Variants in BMPR2 observed in about 807,000 individuals in gnomAD.
BMPR2 encodes the protein bone morphogenetic protein receptor type-2.
Under a neutral mutation model 100.8 loss-of-function variants are expected in BMPR2, and 29 were observed. The observed-to-expected ratio is 0.29, with a 90% CI of 0.21 to 0.39. The LOEUF (loss-of-function observed/expected upper bound fraction) is 0.39. BMPR2 is among the 10% of genes least tolerant of loss of function. The probability of loss-of-function intolerance (pLI) is 1.00; values close to 1 mark genes in which losing one functional copy is unlikely to be tolerated. For synonymous variants in BMPR2, 382 were observed against 442.3 expected (o/e 0.86, Z 1.71); for missense variants, 1,011 against 1,274.5 (o/e 0.79, Z 3.15).
intron 1 of BMPR2, among the ~76,000 whole-genome samples, chr2:202,417,653 G>GT (rs911238304): frequency 8.6e-5 from 13 of 151,196 alleles, no homozygotes; most frequent in Admixed American, 2.6e-4. Flanking sequence ...TTTTTGTTTT[G>GT]TTTTTTTGAG....
chr2:202,555,871 G>A lies in BMPR2; in HGVS notation c.2206G>A (p.Asp736Asn), dbSNP rs762496841. 4.3e-6 allele frequency: 7 copies of A among 1,614,012 alleles called. No individual in the cohort carries two copies. The highest frequency in any genetic ancestry group is 5.9e-6 in the Non-Finnish European group (7 of 1,180,042). Residue 736 changes from aspartate (D) to asparagine (N), a missense_variant, in exon 12 of 13, where the codon GAT (aspartate) becomes AAT (asparagine). Asp to Asn is a conservative substitution (Grantham distance 23, BLOSUM62 1). Transcript: ENST00000374580. ...TANGQACLIPDVLPTQIYPLP... is the reference protein window; with the variant it reads ...TANGQACLIPNVLPTQIYPLP... ...AAATGGCCAAGCATGTTTGATTCCT[G>A]ATGTTCTGCCTACTCAGATCTATCC... is the stretch of plus-strand genomic sequence containing the variant.
At chr2:202,463,882 G>A (rs528056854) in intron 1 of BMPR2, among the ~76,000 whole-genome samples, 2 of 151,726 alleles carry the variant, frequency 1.3e-5, no homozygotes, top group East Asian at 1.9e-4. Flanking sequence ...TTTTTTGGTC[G>A]TGCATGGTGG....
chr2:202,534,362 A>G (rs1449800010), intron 9 of BMPR2, among the ~76,000 whole-genome samples: 1 of 151,532 alleles, frequency 6.6e-6, no homozygotes, highest in Non-Finnish European at 1.5e-5. Flanking sequence ...GCAGATAAAC[A>G]AGTGAACAAA....
At chr2:202,505,303 C>A (rs1002611728) in intron 3 of BMPR2, 3 of 142,808 alleles carry the variant, frequency 2.1e-5, no homozygotes, top group African/African-American at 7.9e-5. Context: ...TCTGAGGTTT[C>A]TTCACCTATC....
chr2:202,417,127 C>T (rs1215828233), intron 1 of BMPR2, among the ~76,000 whole-genome samples: 3 of 151,470 alleles, frequency 2.0e-5, no homozygotes, highest in Admixed American at 1.3e-4. Context: ...TGAGCCGTGG[C>T]GCCCAGCCTA....
chr2:202,489,312 C>G (rs1293204455), intron 3 of BMPR2, among the ~76,000 whole-genome samples: 1 of 152,048 alleles, frequency 6.6e-6, no homozygotes, highest in East Asian at 1.9e-4. Context: ...CTTTGTTGTT[C>G]TTTTGTACCA....
At chr2:202,559,182 G>A (rs1347986163) in intron 12 of BMPR2, among the ~76,000 whole-genome samples, 1 of 151,268 alleles carries the variant, frequency 6.6e-6, no homozygotes, top group African/African-American at 2.4e-5. Flanking sequence ...TGCGCCTGTA[G>A]TCCCGGCTAC....
chr2:202,377,423 C>T lies in BMPR2; in HGVS notation c.-52C>T, dbSNP rs1553584308. 7 of 1,572,502 alleles carry T rather than the reference C, an allele frequency of 4.5e-6. No homozygotes were observed. The South Asian group carries it at 5.5e-5, about 12-fold the overall frequency. On this transcript the variant is annotated 5_prime_UTR_variant, in exon 1 of 13. Transcript: ENST00000374580. ...GCCTCCCGGCTGTTTCTCCGCCGGT[C>T]TACTTCCCATATTTCTTTTCTTTGC...
rs751111275 is a variant in BMPR2 at position 202,467,679 on chromosome 2, A to G, written c.408A>G (p.Thr136=). 1.2e-6 allele frequency: 2 copies of G among 1,610,940 alleles called. No homozygotes were observed. The highest frequency in any genetic ancestry group is 1.7e-5 in the Admixed American group (1 of 60,000). ...CTGAGAATTTTCCACCTCCTGACAC[A>G]ACACCACTCAGTAAGTAAAGTAACC... ...NFTENFPPPD[T]TPLSPPHSFN... Residue 136 remains threonine (T), a synonymous_variant, in exon 3 of 13, where the codon ACA becomes ACG. Coordinates refer to ENST00000374580, the MANE Select transcript of BMPR2 (RefSeq NM_001204.7).
rs189612925 is a variant in BMPR2 at position 202,544,096 on chromosome 2, C to T, written c.1413+1649C>T. Among the ~76,000 whole-genome samples the T allele has an allele frequency of 4.3e-4, 66 of 152,058 alleles. No homozygotes were observed. The East Asian group carries it at 9.9e-3, about 23-fold the overall frequency. ...GGTGGAGGTTGCAGCGAGGCGAGAT[C>T]GTGCCACTGCACTCCAGCCTGGGTG... On this transcript the variant is annotated intron_variant, in intron 10 of 12. Coordinates refer to ENST00000374580, the MANE Select transcript of BMPR2 (RefSeq NM_001204.7).
chr2:202,420,839 G>A (rs923131035), intron 1 of BMPR2, among the ~76,000 whole-genome samples: 2 of 151,580 alleles, frequency 1.3e-5, no homozygotes, highest in Non-Finnish European at 2.9e-5. Context: ...GAGCCACCAC[G>A]CCCAGCCAGG....
intron 1 of BMPR2, among the ~76,000 whole-genome samples, chr2:202,457,455 G>T (rs1426744803): frequency 6.7e-6 from 1 of 148,798 alleles, no homozygotes; most frequent in East Asian, 2.0e-4. Context: ...ACTTTTTTTA[G>T]AATGAAAGAA....
At chr2:202,517,094 C>T (rs1687725161) in intron 5 of BMPR2, among the ~76,000 whole-genome samples, 1 of 151,856 alleles carries the variant, frequency 6.6e-6, no homozygotes, top group Non-Finnish European at 1.5e-5. Context: ...ATGGCACGCG[C>T]CTGTAATCCT....
intron 5 of BMPR2, among the ~76,000 whole-genome samples, chr2:202,515,480 A>G (rs1687695757): frequency 6.6e-6 from 1 of 151,398 alleles, no homozygotes; most frequent in East Asian, 1.9e-4. Flanking sequence ...CTGAGGCAGG[A>G]GAATTGCTTG....
At chr2:202,391,768 CTT>C (rs1034526873) in intron 1 of BMPR2, among the ~76,000 whole-genome samples, 5 of 143,364 alleles carry the variant, frequency 3.5e-5, no homozygotes, top group Admixed American at 7.0e-5. Flanking sequence ...ACACTTTTTT[CTT>C]TTTTTTTTTT....
intron 1 of BMPR2, among the ~76,000 whole-genome samples, chr2:202,427,877 C>T (rs1352080073): frequency 6.6e-6 from 1 of 151,634 alleles, no homozygotes; most frequent in Non-Finnish European, 1.5e-5. Context: ...ATTCAGGAGG[C>T]GAGGGGTGGG....
At chr2:202,448,658 A>C (rs1490490020) in intron 1 of BMPR2, among the ~76,000 whole-genome samples, 1 of 150,794 alleles carries the variant, frequency 6.6e-6, no homozygotes, top group Non-Finnish European at 1.5e-5. Context: ...GGGTTTCGAC[A>C]TGTTAGCCAG....
intron 1 of BMPR2, among the ~76,000 whole-genome samples, chr2:202,407,235 A>G (rs1372928168): frequency 1.3e-5 from 2 of 150,506 alleles, no homozygotes; most frequent in African/African-American, 4.9e-5. Context: ...GAGCCACTGC[A>G]CCTGGCCTAA....
intron 3 of BMPR2, among the ~76,000 whole-genome samples, chr2:202,506,928 C>T (rs1687530449): frequency 6.6e-6 from 1 of 151,346 alleles, no homozygotes; most frequent in African/African-American, 2.4e-5. Flanking sequence ...AAAAAATTAG[C>T]CGGGCATAGT....
Sources: allele counts gnomAD v4.1 joint callset (sites outside exome capture counted in the v4.1 genomes callset), GRCh38; gene constraint gnomAD v4.1.1; transcripts MANE v1.5; gene names NCBI Gene and HGNC (gene_info 2026-07-23, HGNC 2026-07-21).